Variants in TMEM14C observed in about 807,000 individuals in gnomAD.
TMEM14C encodes transmembrane protein 14C.
Under a neutral mutation model 14.8 loss-of-function variants are expected in TMEM14C, and 13 were observed. The ratio of observed to expected loss-of-function variants is 0.88; its 90% CI spans 0.57 to 1.40. The LOEUF is 1.40. Ranked by LOEUF, TMEM14C falls within the 40% of genes most tolerant of loss-of-function variation. TMEM14C has a pLI of 0.00. For synonymous variants in TMEM14C, 57 were observed against 51.3 expected (o/e 1.11, Z -0.48); for missense variants, 142 against 138.8 (o/e 1.02, Z -0.12).
chr6:10,730,089 T>C (rs1770983006), intron 5 of TMEM14C, among the ~76,000 whole-genome samples: 1 of 151,886 alleles, frequency 6.6e-6, no homozygotes, highest in African/African-American at 2.4e-5. Flanking sequence ...CAGAGGTGAG[T>C]GAGACTCCAT....
At chr6:10,726,981 G>A (rs1378866315) in intron 4 of TMEM14C, among the ~76,000 whole-genome samples, 1 of 152,180 alleles carries the variant, frequency 6.6e-6, no homozygotes, top group Non-Finnish European at 1.5e-5. Context: ...GTGTGCTGGG[G>A]AAGGAGGTGT....
intron 2 of TMEM14C, 80 bp downstream of exon 2, chr6:10,724,713 A>G (rs1770804625): frequency 1.3e-6 from 2 of 1,523,834 alleles, no homozygotes; most frequent in African/African-American, 2.7e-5. Flanking sequence ...AAGAACCTTA[A>G]GAGTAGACTG....
Position 10,728,693 on chromosome 6 carries a change from A to G in TMEM14C, c.253A>G (p.Lys85Glu). Residue 85 changes from lysine (K) to glutamate (E), a missense_variant, in exon 5 of 6, where the codon AAA becomes GAA. Lys to Glu is a moderately conservative substitution (Grantham distance 56). Transcript: ENST00000229563. Reference protein sequence around the residue: ...IMGMRFYHSGKFMPAGLIAGA... With the variant: ...IMGMRFYHSGEFMPAGLIAGA... Reference sequence around the variant, plus strand: ...GGGAATGAGGTTCTACCACTCTGGAAAATTCATGCCTGCAGGTTTAATTGC... The same window carrying G: ...GGGAATGAGGTTCTACCACTCTGGAGAATTCATGCCTGCAGGTTTAATTGC... The G allele has an allele frequency of 6.2e-7, 1 of 1,614,238 alleles. No homozygotes were observed. The highest frequency in any genetic ancestry group is 8.5e-7 in the Non-Finnish European group (1 of 1,180,038).
At chr6:10,728,561 G>A in intron 4 of TMEM14C, 79 bp from the exon 5 acceptor site, 13 of 1,454,852 alleles carry the variant, frequency 8.9e-6, no homozygotes, top group Non-Finnish European at 1.2e-5. Context: ...TGAGAGATGG[G>A]TGGGGCTTGG....
intron 3 of TMEM14C, among the ~76,000 whole-genome samples, chr6:10,725,472 C>A (rs952954040): frequency 1.3e-5 from 2 of 152,120 alleles, no homozygotes; most frequent in Admixed American, 6.6e-5. Context: ...GCATTCCCAC[C>A]CCAACCCCTG....
intron 1 of TMEM14C, among the ~76,000 whole-genome samples, chr6:10,723,525 G>A (rs936575893): frequency 4.0e-5 from 6 of 151,306 alleles, no homozygotes; most frequent in African/African-American, 1.5e-4. Context: ...ACTCGGTGCC[G>A]TCTCGAGTTA....
At chr6:10,726,888 TG>T (rs1289898525) in intron 4 of TMEM14C, among the ~76,000 whole-genome samples, 3 of 152,078 alleles carry the variant, frequency 2.0e-5, no homozygotes, top group Non-Finnish European at 2.9e-5. Flanking sequence ...CGTGTGAGAA[TG>T]AGTGCCATGT....
rs961562609 is a variant in TMEM14C at position 10,730,917 on chromosome 6, C to T, written c.*251C>T. 21 of 1,118,796 alleles carry T rather than the reference C, an allele frequency of 1.9e-5. No homozygotes were observed. Among genetic ancestry groups the T allele is most frequent in the Middle Eastern group, 3.9e-4 (1 of 2,578 alleles). The allele number at this position is 1,118,796 out of a possible 1,614,324, so 69.3% of individuals were successfully genotyped here. A position where few individuals can be genotyped will look rare whatever the true frequency, so the allele number is the denominator to read the frequency against. ...TTCTTGTATATTGATGTTGTCTTTT[C>T]TTTCTGTATCTGTAGGTAAATCTCA... On this transcript the variant is annotated 3_prime_UTR_variant, in exon 6 of 6. Transcript: ENST00000229563.
At chr6:10,730,582 C>T (rs745875759) in intron 5 of TMEM14C, 33 bp from the exon 6 acceptor site, 41 of 1,607,658 alleles carry the variant, frequency 2.6e-5, no homozygotes, top group Non-Finnish European at 6.8e-6. Context: ...CTGTCCTTTA[C>T]CTGACATTTT....
chr6:10,723,121 T>G lies in TMEM14C; in HGVS notation c.-165T>G, dbSNP rs9467362. 13,834 of 152,260 alleles carry G rather than the reference T, an allele frequency of 0.091. 1,991 individuals carry two copies. The highest frequency in any genetic ancestry group is 0.3 in the African/African-American group (12,644 of 41,494). 9.4% of individuals were successfully genotyped at this position (152,260 alleles called of 1,614,324 possible). On this transcript the variant is annotated 5_prime_UTR_variant, in exon 1 of 6. Transcript: ENST00000229563. ...CACTGCGCAGGCACAACAGAGCCGC[T>G]CCCCTCTCCTCGCCCCGCCACCGGG...
At chr6:10,724,897 C>T in intron 2 of TMEM14C, 64 bp from the exon 3 acceptor site, 1 of 1,579,320 alleles carries the variant, frequency 6.3e-7, no homozygotes, top group Non-Finnish European at 8.7e-7. Flanking sequence ...TAGTCCCATC[C>T]TATGACAGTA....
chr6:10,731,006 G>T lies in TMEM14C; in HGVS notation c.*340G>T. On this transcript the variant is annotated 3_prime_UTR_variant, in exon 6 of 6. Transcript: ENST00000229563. ...ACCCCATTCCCTGCTCTGAGGAACA[G>T]TGTGAAAAAAAGTCTTTTAGGAGAT... 1 of 1,006,412 alleles carries T rather than the reference G, an allele frequency of 9.9e-7. No homozygotes were observed. The highest frequency in any genetic ancestry group is 1.2e-6 in the Non-Finnish European group (1 of 844,004). The allele number at this position is 1,006,412 out of a possible 1,614,324, so 62.3% of individuals were successfully genotyped here.
chr6:10,726,132 TA>T, intron 4 of TMEM14C, 124 bp downstream of exon 4: 1 of 1,056,008 alleles, frequency 9.5e-7, no homozygotes, highest in Non-Finnish European at 1.4e-6. Flanking sequence ...TCACTGCTTC[TA>T]CCAAGTCCTC....
rs1770799685 is a variant in TMEM14C, at chr6:10,724,579, T to C, written c.-35T>C. ...AGCTTGTTTTCTGCAGGTGCAGGCC[T>C]GGGGTAGTCTCCTGTCTGGACAGAG... On this transcript the variant is annotated 5_prime_UTR_variant, in exon 2 of 6. Transcript: ENST00000229563. 1 of 1,612,150 alleles carries C rather than the reference T, an allele frequency of 6.2e-7. No homozygotes were observed. The highest frequency in any genetic ancestry group is 8.5e-7 in the Non-Finnish European group (1 of 1,178,912).
chr6:10,724,987 G>T lies in TMEM14C; in HGVS notation c.47G>T (p.Gly16Val), dbSNP rs772111625. The T allele has an allele frequency of 1.3e-5, 21 of 1,614,100 alleles. No homozygotes were observed. The highest frequency in any genetic ancestry group is 1.6e-5 in the Non-Finnish European group (19 of 1,180,050). ...SVVPLHWFGF[G>V]YAALVASGGI... is the part of the protein sequence containing the mutation. ...GTGCCTTTGCATTGGTTTGGCTTTGGCTACGCAGCACTGGTTGCTTCTGGT... is the reference window on the plus strand; with the variant it reads ...GTGCCTTTGCATTGGTTTGGCTTTGTCTACGCAGCACTGGTTGCTTCTGGT... Residue 16 changes from glycine to valine, a missense_variant, in exon 3 of 6, where the codon GGC becomes GTC. Coordinates refer to ENST00000229563, the MANE Select transcript of TMEM14C (RefSeq NM_016462.4).
At chr6:10,726,845 G>T (rs889263190) in intron 4 of TMEM14C, among the ~76,000 whole-genome samples, 11 of 152,224 alleles carry the variant, frequency 7.2e-5, no homozygotes, top group South Asian at 4.1e-4. Flanking sequence ...GACACTGCTA[G>T]GAGTGTGGGT....
intron 1 of TMEM14C, among the ~76,000 whole-genome samples, chr6:10,723,722 C>T (rs1482687825): frequency 6.6e-6 from 1 of 151,808 alleles, no homozygotes; most frequent in Non-Finnish European, 1.5e-5. Flanking sequence ...ACTTCAGCCT[C>T]CCAAGTAGCT....
intron 3 of TMEM14C, among the ~76,000 whole-genome samples, chr6:10,725,408 C>T (rs1770827998): frequency 6.6e-6 from 1 of 152,176 alleles, no homozygotes; most frequent in African/African-American, 2.4e-5. Flanking sequence ...CCTCGTTAGG[C>T]CAGGCAGGGG....
chr6:10,730,999 A>T lies in TMEM14C; in HGVS notation c.*333A>T, dbSNP rs926257664. The T allele has an allele frequency of 6.9e-6, 7 of 1,012,960 alleles. No individual in the cohort carries two copies. The highest frequency in any genetic ancestry group is 3.4e-5 in the African/African-American group (2 of 58,408). 62.7% of individuals were successfully genotyped at this position (1,012,960 alleles called of 1,614,324 possible). On this transcript the variant is annotated 3_prime_UTR_variant, in exon 6 of 6. Transcript: ENST00000229563. The stretch of plus-strand genomic sequence containing the variant: ...CTCTGAAACCCCATTCCCTGCTCTG[A>T]GGAACAGTGTGAAAAAAAGTCTTTT...
Sources: allele counts gnomAD v4.1 joint callset (sites outside exome capture counted in the v4.1 genomes callset), GRCh38; gene constraint gnomAD v4.1.1; transcripts MANE v1.5; gene names NCBI Gene and HGNC (gene_info 2026-07-23, HGNC 2026-07-21).